Variants in PLCG2 observed in about 807,000 individuals in gnomAD.
The protein encoded by PLCG2 is 1-phosphatidylinositol 4,5-bisphosphate phosphodiesterase gamma-2.
Under a neutral mutation model 175.6 loss-of-function variants are expected in PLCG2, and 69 were observed. That is an observed-to-expected ratio of 0.39 (90% confidence interval 0.32 to 0.48). The LOEUF is 0.48. Ranked by LOEUF, PLCG2 falls within the 20% of genes least tolerant of loss-of-function variation. PLCG2 has a pLI of 0.91. For synonymous variants in PLCG2, 827 were observed against 624.0 expected, an observed-to-expected ratio of 1.33 and a Z score of -4.85; for missense variants, 1,798 against 1,650.9, an observed-to-expected ratio of 1.09 and a Z score of -1.54.
chr16:81,748,024 G>A (rs750303179), intron 1 of PLCG2, among the ~76,000 whole-genome samples: 14 of 152,104 alleles, frequency 9.2e-5, no homozygotes, highest in Non-Finnish European at 1.6e-4. Context: ...ACAGGCACCT[G>A]CAAGCACACT....
At chr16:81,949,816 T>G (rs1911295299) in intron 31 of PLCG2, among the ~76,000 whole-genome samples, 1 of 152,076 alleles carries the variant, frequency 6.6e-6, no homozygotes, top group Non-Finnish European at 1.5e-5. Flanking sequence ...AATAATCAAG[T>G]ATCAACAAAG....
At chr16:81,874,805 A>G (rs562878558) in intron 7 of PLCG2, among the ~76,000 whole-genome samples, 23 of 152,330 alleles carry the variant, frequency 1.5e-4, no homozygotes, top group African/African-American at 5.1e-4. Context: ...TGGCAGCAGC[A>G]GGAGGATAAG....
At chr16:81,913,019 A>T (rs185080801) in intron 19 of PLCG2, among the ~76,000 whole-genome samples, 8 of 152,322 alleles carry the variant, frequency 5.3e-5, no homozygotes, top group African/African-American at 1.9e-4. Context: ...GCACAGCAAG[A>T]TTAAGTAACT....
intron 1 of PLCG2, chr16:81,740,360 G>C (rs891886806): frequency 8.5e-5 from 13 of 152,056 alleles, no homozygotes; most frequent in African/African-American, 2.9e-4. Flanking sequence ...CCAGTGCTTC[G>C]ACCAGTCACA....
chr16:81,881,111 G>A lies in PLCG2; in HGVS notation c.692+158G>A, dbSNP rs538834011. ...GAATTGGCCATCCCATGCCTGTGGC[G>A]TGGATAGAGATGAGCAGTAGCAACA... On this transcript the variant is annotated intron_variant, in intron 8 of 32. Transcript: ENST00000564138. Among the ~76,000 whole-genome samples, 21 of 152,360 alleles carry A rather than the reference G, an allele frequency of 1.4e-4. No homozygotes were observed. In the South Asian group the frequency reaches 2.1e-3, roughly 15 times the overall value.
chr16:81,823,610 C>T (rs905589023), intron 2 of PLCG2, among the ~76,000 whole-genome samples: 11 of 152,196 alleles, frequency 7.2e-5, no homozygotes, highest in African/African-American at 2.6e-4. Context: ...ACTGTAGCCT[C>T]AAACTCCTGG....
intron 7 of PLCG2, among the ~76,000 whole-genome samples, chr16:81,875,479 T>C (rs543137141): frequency 2.0e-5 from 3 of 152,342 alleles, no homozygotes; most frequent in East Asian, 1.9e-4. Context: ...TTTTGAATCC[T>C]TTGTATTAAA....
chr16:81,822,753 C>G (rs531582351), intron 2 of PLCG2, among the ~76,000 whole-genome samples: 2 of 34,612 alleles, frequency 5.8e-5, no homozygotes, highest in Non-Finnish European at 9.7e-5. Flanking sequence ...AAGAGCGAGA[C>G]TCCATCTCAA....
At chr16:81,898,359 C>T (rs1265263256) in intron 13 of PLCG2, 1 of 152,662 alleles carries the variant, frequency 6.6e-6, no homozygotes, top group East Asian at 1.9e-4. Context: ...ATTTTGCTGT[C>T]AGTTACATTT....
chr16:81,959,896 A>T lies in PLCG2; in HGVS notation c.*1898A>T, dbSNP rs545205432. 5.2e-6 allele frequency: 1 copy of T among 191,772 alleles called. No individual in the cohort carries two copies. The highest frequency in any genetic ancestry group is 2.3e-5 in the African/African-American group (1 of 43,050). The allele number at this position is 191,772 out of a possible 1,614,324, so 11.9% of individuals were successfully genotyped here. On this transcript the variant is annotated 3_prime_UTR_variant, in exon 33 of 33. Transcript: ENST00000564138. ...TCCTTTCAGCTCCTCACTTCATTCTACTTTAAAGCCACAGTGCTAAGGCCT... is the reference window on the plus strand; with the variant it reads ...TCCTTTCAGCTCCTCACTTCATTCTTCTTTAAAGCCACAGTGCTAAGGCCT...
chr16:81,814,511 G>C (rs1193720252), intron 2 of PLCG2, among the ~76,000 whole-genome samples: 1 of 152,068 alleles, frequency 6.6e-6, no homozygotes, highest in Non-Finnish European at 1.5e-5. Flanking sequence ...TGGCCAAAAT[G>C]GTGAAATCCC....
At chr16:81,758,956 G>C (rs957776912) in intron 2 of PLCG2, among the ~76,000 whole-genome samples, 2 of 152,196 alleles carry the variant, frequency 1.3e-5, no homozygotes, top group African/African-American at 4.8e-5. Flanking sequence ...GAGATTACAG[G>C]CGTGAGCCAC....
At chr16:81,841,091 C>G (rs544363212) in intron 2 of PLCG2, among the ~76,000 whole-genome samples, 24 of 152,154 alleles carry the variant, frequency 1.6e-4, no homozygotes, top group Non-Finnish European at 3.5e-4. Context: ...GGAAGCAGGA[C>G]ACTGATTTTC....
In PLCG2 at chr16:81,935,854, C is replaced by T. The variant is rs1027869286; in HGVS notation, c.2843-315C>T. ...TCCTACCCAAAACCATTCCCATTCT[C>T]CCTCTTCTATAACTGTACCACTTTT... On this transcript the variant is annotated intron_variant, in intron 26 of 32. Coordinates refer to ENST00000564138, the MANE Select transcript of PLCG2 (RefSeq NM_002661.5). 8.1e-6 allele frequency: 8 copies of T among 985,110 alleles called. 1 individual carries two copies. The highest frequency in any genetic ancestry group is 5.2e-4 in the Middle Eastern group (1 of 1,936). The allele number at this position is 985,110 out of a possible 1,614,324, so 61.0% of individuals were successfully genotyped here.
intron 2 of PLCG2, among the ~76,000 whole-genome samples, chr16:81,827,654 G>T (rs958227094): frequency 6.6e-6 from 1 of 152,298 alleles, no homozygotes; most frequent in South Asian, 2.1e-4. Context: ...TCTAAGGGTG[G>T]TGGGAACCGT....
At chr16:81,946,037 CAA>C (rs1911135781) in intron 30 of PLCG2, 136 bp from the exon 31 acceptor site, 1 of 691,364 alleles carries the variant, frequency 1.4e-6, no homozygotes, top group South Asian at 1.7e-5. Context: ...CTGGCTTCCA[CAA>C]AGTCAGCCCC....
At chr16:81,791,300 C>A (rs1280642199) in intron 2 of PLCG2, among the ~76,000 whole-genome samples, 1 of 152,060 alleles carries the variant, frequency 6.6e-6, no homozygotes, top group Non-Finnish European at 1.5e-5. Flanking sequence ...TGTGGAGGAG[C>A]TGCTTGGGTG....
chr16:81,741,422 T>C (rs1422307500), intron 1 of PLCG2, among the ~76,000 whole-genome samples: 1 of 152,100 alleles, frequency 6.6e-6, no homozygotes. Context: ...AGGAGGAAGA[T>C]TTTTTTTCCG....
At chr16:81,768,467 G>T (rs1910199947) in intron 2 of PLCG2, among the ~76,000 whole-genome samples, 1 of 151,196 alleles carries the variant, frequency 6.6e-6, no homozygotes, top group Non-Finnish European at 1.5e-5. Context: ...TAAAGAAACT[G>T]CCCAGCTGTT....
Sources: gnomAD v4.1 joint callset for allele counts (sites outside exome capture counted in the v4.1 genomes callset) on GRCh38, gnomAD v4.1.1 for gene constraint, MANE v1.5 for transcripts, NCBI Gene and HGNC (gene_info 2026-07-23, HGNC 2026-07-21) for gene names.